Variants in LIPC observed in about 807,000 individuals in gnomAD.
The protein encoded by LIPC is lipase C, hepatic type.
LIPC carries 44 observed loss-of-function variants against 50.7 expected under a neutral mutation model. That is an observed-to-expected ratio of 0.87 (90% confidence interval 0.68 to 1.11). The LOEUF (loss-of-function observed/expected upper bound fraction) is 1.11. Ranked by LOEUF, LIPC falls within the 50% of genes most tolerant of loss-of-function variation. LIPC has a pLI of 0.00. For synonymous variants in LIPC, 271 were observed against 256.4 expected, an observed-to-expected ratio of 1.06 and a Z score of -0.54; for missense variants, 697 against 648.2, an observed-to-expected ratio of 1.08 and a Z score of -0.82.
At position 58,541,732 on chromosome 15, in the gene LIPC, G is replaced by T. The variant is rs1018150524; in HGVS notation, c.274-53G>T. 4.5e-6 allele frequency: 7 copies of T among 1,552,938 alleles called. No individual in the cohort carries two copies. The South Asian group carries it at 5.7e-5, about 13-fold the overall frequency. On this transcript the variant is annotated intron_variant, in intron 2 of 8. Transcript: ENST00000299022. ...ATCCAGGAGCTGGAGAAGGAAGAAG[G>T]GTGAGCGGGGAGAAAGGAAACTAGT...
chr15:58,470,038 T>A (rs748234021), intron 1 of LIPC, among the ~76,000 whole-genome samples: 8 of 151,254 alleles, frequency 5.3e-5, no homozygotes, highest in Non-Finnish European at 7.4e-5. Flanking sequence ...GCTCAAGGGA[T>A]CTTCCCACCT....
chr15:58,564,150 G>GTCTC, intron 8 of LIPC: 1 of 67,030 alleles, frequency 1.5e-5, no homozygotes, highest in Non-Finnish European at 2.8e-5. Context: ...AAATCTCGAT[G>GTCTC]TATCTCTCTC....
intron 6 of LIPC, among the ~76,000 whole-genome samples, chr15:58,557,782 T>A (rs543534537): frequency 6.6e-6 from 1 of 152,338 alleles, no homozygotes; most frequent in African/African-American, 2.4e-5. Context: ...GATCGGTTAC[T>A]ATGAGTGTTC....
intron 1 of LIPC, among the ~76,000 whole-genome samples, chr15:58,507,789 A>G (rs1377545411): frequency 1.3e-5 from 2 of 152,212 alleles, no homozygotes; most frequent in Non-Finnish European, 2.9e-5. Flanking sequence ...TTATTTTAAC[A>G]TGTCTAGCAC....
chr15:58,457,197 C>T (rs1422474828), intron 1 of LIPC, among the ~76,000 whole-genome samples: 1 of 152,338 alleles, frequency 6.6e-6, no homozygotes, highest in African/African-American at 2.4e-5. Flanking sequence ...ACAACCTCCA[C>T]CTCCCGGGTT....
chr15:58,541,186 C>T (rs375072142), intron 2 of LIPC, among the ~76,000 whole-genome samples: 2 of 152,068 alleles, frequency 1.3e-5, no homozygotes, highest in African/African-American at 4.8e-5. Context: ...ATTAGGAGTG[C>T]CCTGCAAATT....
intron 1 of LIPC, among the ~76,000 whole-genome samples, chr15:58,462,946 T>C (rs1487787516): frequency 2.6e-5 from 4 of 152,230 alleles, no homozygotes; most frequent in Non-Finnish European, 5.9e-5. Context: ...CTGTGGATTA[T>C]TCCTTTATTG....
intron 1 of LIPC, among the ~76,000 whole-genome samples, chr15:58,521,027 T>C (rs1295995567): frequency 6.6e-6 from 1 of 152,092 alleles, no homozygotes; most frequent in African/African-American, 2.4e-5. Flanking sequence ...CGGAACTTGC[T>C]TGTTGTCTGT....
At chr15:58,498,326 T>C (rs1427540945) in intron 1 of LIPC, among the ~76,000 whole-genome samples, 1 of 152,166 alleles carries the variant, frequency 6.6e-6, no homozygotes, top group Non-Finnish European at 1.5e-5. Context: ...TCTGCATTTC[T>C]AACAAATTCC....
intron 1 of LIPC, among the ~76,000 whole-genome samples, chr15:58,471,649 G>A (rs747240744): frequency 1.6e-4 from 25 of 152,202 alleles, no homozygotes; most frequent in Non-Finnish European, 3.2e-4. Context: ...AATAGTGAAT[G>A]GAGATTTGCC....
At chr15:58,551,558 T>C (rs1476316582) in intron 6 of LIPC, among the ~76,000 whole-genome samples, 1 of 152,110 alleles carries the variant, frequency 6.6e-6, no homozygotes, top group African/African-American at 2.4e-5. Flanking sequence ...CTGGTGATGC[T>C]GGGATGAAGA....
intron 1 of LIPC, among the ~76,000 whole-genome samples, chr15:58,536,416 T>C (rs1399840780): frequency 1.3e-5 from 2 of 152,280 alleles, no homozygotes; most frequent in Admixed American, 1.3e-4. Flanking sequence ...TTTGAGCAGC[T>C]GTGTGCAGGA....
chr15:58,548,621 G>T, intron 6 of LIPC, 49 bp downstream of exon 6: 1 of 1,563,060 alleles, frequency 6.4e-7, no homozygotes, highest in Non-Finnish European at 8.6e-7. Context: ...GCAGTCCCCT[G>T]TCCAAAGGGC....
At chr15:58,487,823 T>C (rs1158473120) in intron 1 of LIPC, among the ~76,000 whole-genome samples, 2 of 152,206 alleles carry the variant, frequency 1.3e-5, no homozygotes, top group Admixed American at 1.3e-4. Flanking sequence ...CGAGGTCATC[T>C]TGTGTTGGCC....
At chr15:58,486,212 G>A (rs1374875544) in intron 1 of LIPC, among the ~76,000 whole-genome samples, 1 of 152,126 alleles carries the variant, frequency 6.6e-6, no homozygotes, top group Non-Finnish European at 1.5e-5. Flanking sequence ...TTATCTGCCT[G>A]GAGAGTCCCA....
chr15:58,436,004 G>A (rs1893284214), intron 1 of LIPC: 1 of 152,180 alleles, frequency 6.6e-6, no homozygotes, highest in Non-Finnish European at 1.5e-5. Context: ...GTTACTGTTG[G>A]ATTTTATGTA....
At chr15:58,492,501 T>G (rs1891620586) in intron 1 of LIPC, among the ~76,000 whole-genome samples, 2 of 152,158 alleles carry the variant, frequency 1.3e-5, no homozygotes, top group Admixed American at 1.3e-4. Context: ...GAACTATCAT[T>G]GAATTTCGTT....
intron 1 of LIPC, among the ~76,000 whole-genome samples, chr15:58,537,902 T>C (rs1415903827): frequency 2.6e-5 from 4 of 152,174 alleles, no homozygotes; most frequent in African/African-American, 9.7e-5. Flanking sequence ...CCAGCTAAGA[T>C]GCTCTATTCA....
intron 1 of LIPC, among the ~76,000 whole-genome samples, chr15:58,516,971 G>C (rs375511732): frequency 6.6e-6 from 1 of 152,156 alleles, no homozygotes; most frequent in Non-Finnish European, 1.5e-5. Flanking sequence ...TTGTCCTGGG[G>C]TGCAGTTAAA....
Sources: allele counts gnomAD v4.1 joint callset (sites outside exome capture counted in the v4.1 genomes callset), GRCh38; gene constraint gnomAD v4.1.1; transcripts MANE v1.5; gene names NCBI Gene and HGNC (gene_info 2026-07-23, HGNC 2026-07-21).